CACNB4: variants seen among roughly 807,000 people sequenced by gnomAD.
The protein encoded by CACNB4 is voltage-dependent L-type calcium channel subunit beta-4.
Under a neutral mutation model 71.2 loss-of-function variants are expected in CACNB4, and 32 were observed. The ratio of observed to expected loss-of-function variants is 0.45; its 90% confidence interval spans 0.34 to 0.60. CACNB4 has a LOEUF of 0.60. Among genes scored for constraint, CACNB4 ranks in the 20% least tolerant of loss-of-function variants. The pLI is 0.01. For missense variants in CACNB4, 464 were observed against 647.9 expected (o/e 0.72, Z 3.08); for synonymous variants, 231 against 236.9 (o/e 0.97, Z 0.23).
chr2:151,942,352 G>T (rs890718584), intron 2 of CACNB4, among the ~76,000 whole-genome samples: 1 of 149,196 alleles, frequency 6.7e-6, no homozygotes, highest in African/African-American at 2.6e-5. Flanking sequence ...TCTTATGCCT[G>T]TCTTATTTTA....
intron 2 of CACNB4, among the ~76,000 whole-genome samples, chr2:152,094,399 G>A (rs1414806047): frequency 1.3e-5 from 2 of 152,192 alleles, no homozygotes; most frequent in South Asian, 2.1e-4. Context: ...AAGCAGGCAG[G>A]GGCCAGGCCA....
At chr2:151,892,445 G>C (rs2099850945) in intron 2 of CACNB4, among the ~76,000 whole-genome samples, 2 of 152,082 alleles carry the variant, frequency 1.3e-5, no homozygotes, top group East Asian at 3.8e-4. Flanking sequence ...CAGGAAGAAA[G>C]TAGGGAAAAG....
rs188155036 is a variant in CACNB4 at position 151,928,361 on chromosome 2, A to G, written c.148-44991T>C. 5.1e-4 allele frequency among the ~76,000 whole-genome samples: 77 copies of G among 152,298 alleles called. 1 individual carries two copies. Among genetic ancestry groups the G allele is most frequent in the African/African-American group, 1.7e-3 (69 of 41,568 alleles). On this transcript the variant is annotated intron_variant, in intron 2 of 13. Transcript: ENST00000539935. Reference sequence around the variant, plus strand: ...AATACTAAATAGAAGTGTCTGAATAACTCTAATGTAACAGAACCAAAAGCA... The same window carrying G: ...AATACTAAATAGAAGTGTCTGAATAGCTCTAATGTAACAGAACCAAAAGCA...
At chr2:151,870,197 A>G in intron 8 of CACNB4, 1 of 688,566 alleles carries the variant, frequency 1.5e-6, no homozygotes, top group South Asian at 1.6e-5. Context: ...TTCATTCTCT[A>G]TTACTTCTAA....
intron 2 of CACNB4, among the ~76,000 whole-genome samples, chr2:151,908,497 G>T (rs1458153666): frequency 2.0e-5 from 3 of 152,152 alleles, no homozygotes; most frequent in Admixed American, 1.3e-4. Flanking sequence ...TGTCAACCCT[G>T]CTTGGTTTTA....
intron 2 of CACNB4, among the ~76,000 whole-genome samples, chr2:152,072,233 G>A (rs1686735095): frequency 6.6e-6 from 1 of 152,222 alleles, no homozygotes; most frequent in South Asian, 2.1e-4. Context: ...TGAGAGATGA[G>A]CAGTAGGACA....
intron 2 of CACNB4, among the ~76,000 whole-genome samples, chr2:151,944,182 C>T (rs946023102): frequency 7.2e-5 from 11 of 151,974 alleles, no homozygotes; most frequent in South Asian, 4.1e-4. Context: ...AACAAGCACA[C>T]GCCACCACAC....
At chr2:151,926,247 A>C (rs1246506387) in intron 2 of CACNB4, among the ~76,000 whole-genome samples, 1 of 152,234 alleles carries the variant, frequency 6.6e-6, no homozygotes, top group Non-Finnish European at 1.5e-5. Flanking sequence ...AAAAAGCCAG[A>C]GGAAAACCAA....
At chr2:152,029,207 G>A (rs964971427) in intron 2 of CACNB4, among the ~76,000 whole-genome samples, 1 of 152,134 alleles carries the variant, frequency 6.6e-6, no homozygotes, top group African/African-American at 2.4e-5. Context: ...AAAAGAAAGA[G>A]CCCAGGGCTA....
At chr2:152,014,668 T>A (rs1002012018) in intron 2 of CACNB4, among the ~76,000 whole-genome samples, 1 of 151,182 alleles carries the variant, frequency 6.6e-6, no homozygotes, top group Admixed American at 6.6e-5. Context: ...GAAGTGGAGG[T>A]TGCAGTGAGC....
intron 13 of CACNB4, among the ~76,000 whole-genome samples, chr2:151,840,416 T>C (rs912824304): frequency 6.6e-6 from 1 of 152,212 alleles, no homozygotes; most frequent in African/African-American, 2.4e-5. Context: ...TGAGTCAAGA[T>C]TGTTGTATTC....
At chr2:152,048,454 C>G (rs1685247879) in intron 2 of CACNB4, 1 of 152,240 alleles carries the variant, frequency 6.6e-6, no homozygotes, top group Non-Finnish European at 1.5e-5. Context: ...AGAATCTGTC[C>G]AATAGGAAAC....
intron 2 of CACNB4, among the ~76,000 whole-genome samples, chr2:151,898,915 T>A (rs2099852732): frequency 1.3e-5 from 2 of 151,976 alleles, no homozygotes; most frequent in South Asian, 4.2e-4. Flanking sequence ...AGGACAGAGG[T>A]AAAGGGTTCA....
At chr2:151,903,513 T>C (rs1055578906) in intron 2 of CACNB4, among the ~76,000 whole-genome samples, 1 of 151,836 alleles carries the variant, frequency 6.6e-6, no homozygotes, top group African/African-American at 2.4e-5. Context: ...AGAGAGATTG[T>C]CTTAAAAAAA....
chr2:151,895,094 CCCCACACACACACA>C (rs200294967), intron 2 of CACNB4, among the ~76,000 whole-genome samples: 59,330 of 132,656 alleles, frequency 0.45, 14,411 homozygotes, highest in Non-Finnish European at 0.56. Flanking sequence ...ACTCAAATAG[CCCCACACACACACA>C]CACACACACA....
Position 152,014,650 on chromosome 2 carries a change from G to C in CACNB4, c.147+83680C>G, listed in dbSNP as rs561333776. On this transcript the variant is annotated intron_variant, in intron 2 of 13. Coordinates refer to ENST00000539935, the MANE Select transcript of CACNB4 (RefSeq NM_000726.5). ...GGAGGGTGAGGCAGGAGAATCGCTT[G>C]AACCCAGGAAGTGGAGGTTGCAGTG... Among the ~76,000 whole-genome samples, 7 of 149,662 alleles carry C rather than the reference G, an allele frequency of 4.7e-5. No homozygotes were observed. The South Asian group carries it at 1.1e-3, about 23-fold the overall frequency.
intron 2 of CACNB4, chr2:151,969,515 C>T (rs1022484081): frequency 5.3e-5 from 8 of 152,178 alleles, no homozygotes; most frequent in Non-Finnish European, 1.2e-4. Flanking sequence ...TCTTTGTTCA[C>T]ATCAAAAGCA....
rs1325093512 is a variant in CACNB4 at position 151,973,897 on chromosome 2, C to T, written c.148-90527G>A. 3 of 1,407,108 alleles carry T rather than the reference C, an allele frequency of 2.1e-6. No homozygotes were observed. In the African/African-American group the frequency reaches 4.4e-5, roughly 20 times the overall value. 87.2% of individuals were successfully genotyped at this position (1,407,108 alleles called of 1,614,324 possible). On this transcript the variant is annotated intron_variant, in intron 2 of 13. Transcript: ENST00000539935. ...CACAGGGTGAGGTTATCCCCAGAGG[C>T]AGTCCAGACCTGGCATTTTATCTGC...
At chr2:151,921,124 A>C (rs1203899408) in intron 2 of CACNB4, among the ~76,000 whole-genome samples, 1 of 151,152 alleles carries the variant, frequency 6.6e-6, no homozygotes, top group African/African-American at 2.4e-5. Context: ...GCAACAGAGC[A>C]AGACTCCGTC....
Sources: allele counts gnomAD v4.1 joint callset (sites outside exome capture counted in the v4.1 genomes callset), GRCh38; gene constraint gnomAD v4.1.1; transcripts MANE v1.5; gene names NCBI Gene and HGNC (gene_info 2026-07-23, HGNC 2026-07-21).